Variants in PTPRK observed in about 807,000 individuals in gnomAD.
PTPRK encodes protein tyrosine phosphatase receptor type K.
Under a neutral mutation model 178.0 loss-of-function variants are expected in PTPRK, and 75 were observed. The observed-to-expected ratio is 0.42, with a 90% CI of 0.35 to 0.51. The LOEUF is 0.51. Among genes scored for constraint, PTPRK ranks in the 20% least tolerant of loss-of-function variants. The probability of loss-of-function intolerance (pLI) is 0.02; values close to 1 mark genes in which losing one functional copy is unlikely to be tolerated. For missense variants in PTPRK, 1,441 were observed against 1,797.8 expected, an observed-to-expected ratio of 0.80 and a Z score of 3.59; for synonymous variants, 637 against 620.6, an observed-to-expected ratio of 1.03 and a Z score of -0.39.
At chr6:128,215,294 G>T (rs1809068389) in intron 6 of PTPRK, among the ~76,000 whole-genome samples, 1 of 152,184 alleles carries the variant, frequency 6.6e-6, no homozygotes, top group South Asian at 2.1e-4. Context: ...CACAGCTGAG[G>T]TGAGGATTGG....
chr6:128,057,527 C>A (rs1340997095), intron 13 of PTPRK, among the ~76,000 whole-genome samples: 1 of 152,184 alleles, frequency 6.6e-6, no homozygotes, highest in Non-Finnish European at 1.5e-5. Context: ...ACCTTAGGAA[C>A]CGAGTCTCTA....
At chr6:128,024,278 A>T (rs1773953335) in intron 13 of PTPRK, among the ~76,000 whole-genome samples, 1 of 152,196 alleles carries the variant, frequency 6.6e-6, no homozygotes, top group South Asian at 2.1e-4. Context: ...AACTAAGTCT[A>T]TTCTAGGCAC....
At chr6:128,094,144 A>C (rs1369696126) in intron 7 of PTPRK, among the ~76,000 whole-genome samples, 2 of 152,204 alleles carry the variant, frequency 1.3e-5, no homozygotes, top group Non-Finnish European at 2.9e-5. Context: ...GAGATAATAC[A>C]GGAAAGGTTG....
At chr6:128,178,674 T>C (rs938369396) in intron 7 of PTPRK, among the ~76,000 whole-genome samples, 1 of 151,454 alleles carries the variant, frequency 6.6e-6, no homozygotes, top group Non-Finnish European at 1.5e-5. Context: ...TATCTATCTA[T>C]CTATCTATCT....
intron 14 of PTPRK, 107 bp downstream of exon 14, chr6:128,009,023 T>C: frequency 9.7e-7 from 1 of 1,031,752 alleles, no homozygotes; most frequent in Admixed American, 2.7e-5. Flanking sequence ...AAATTAAAAT[T>C]TTCTTCCTGT....
chr6:128,502,149 A>T (rs1001775248), intron 1 of PTPRK, among the ~76,000 whole-genome samples: 6 of 152,226 alleles, frequency 3.9e-5, no homozygotes, highest in African/African-American at 1.4e-4. Context: ...GGTGTTTAGC[A>T]TGAAAAATGT....
At chr6:128,228,169 GTAAC>G (rs1310881096) in intron 5 of PTPRK, among the ~76,000 whole-genome samples, 2 of 151,482 alleles carry the variant, frequency 1.3e-5, no homozygotes, top group Non-Finnish European at 2.9e-5. Flanking sequence ...GAAATTATGA[GTAAC>G]TACAGTAAAG....
At chr6:128,402,796 G>A (rs1019009625) in intron 1 of PTPRK, among the ~76,000 whole-genome samples, 1 of 152,098 alleles carries the variant, frequency 6.6e-6, no homozygotes, top group Non-Finnish European at 1.5e-5. Context: ...GTAACAAATG[G>A]TTTTAAGGGC....
chr6:128,322,876 A>T (rs2128321584), intron 2 of PTPRK, among the ~76,000 whole-genome samples: 1 of 152,182 alleles, frequency 6.6e-6, no homozygotes, highest in African/African-American at 2.4e-5. Flanking sequence ...CTAACTTTGA[A>T]CCTCAGTTCA....
intron 29 of PTPRK, among the ~76,000 whole-genome samples, chr6:127,972,007 A>G (rs959979320): frequency 3.3e-5 from 5 of 152,110 alleles, no homozygotes. Context: ...TTGTGTAGAC[A>G]GCTGCAACAA....
intron 7 of PTPRK, among the ~76,000 whole-genome samples, chr6:128,099,175 C>A (rs1042316338): frequency 2.0e-5 from 3 of 148,910 alleles, no homozygotes; most frequent in Admixed American, 1.3e-4. Context: ...GAAAATAATA[C>A]ATTTATATAT....
intron 3 of PTPRK, among the ~76,000 whole-genome samples, chr6:128,301,920 A>C (rs1825674465): frequency 6.6e-6 from 1 of 152,212 alleles, no homozygotes; most frequent in African/African-American, 2.4e-5. Flanking sequence ...AATGATTTAT[A>C]TTGTCTTGCC....
intron 22 of PTPRK, among the ~76,000 whole-genome samples, chr6:127,985,460 T>C (rs1007268117): frequency 2.0e-5 from 3 of 152,230 alleles, no homozygotes; most frequent in African/African-American, 7.2e-5. Flanking sequence ...AACACAGATG[T>C]TGCCATTAAA....
At chr6:128,490,008 TA>T (rs1182153801) in intron 1 of PTPRK, among the ~76,000 whole-genome samples, 1 of 152,216 alleles carries the variant, frequency 6.6e-6, no homozygotes, top group Non-Finnish European at 1.5e-5. Context: ...AGAACTATTT[TA>T]AAACATGTAA....
chr6:128,456,926 T>C (rs112160466), intron 1 of PTPRK, among the ~76,000 whole-genome samples: 377 of 152,246 alleles, frequency 2.5e-3, no homozygotes, highest in African/African-American at 8.6e-3. Flanking sequence ...AATGTTTCTA[T>C]TTCCCTTTCT....
chr6:128,037,343 C>A (rs1776395538), intron 13 of PTPRK, among the ~76,000 whole-genome samples: 1 of 152,168 alleles, frequency 6.6e-6, no homozygotes, highest in Non-Finnish European at 1.5e-5. Flanking sequence ...TAATTTAGGT[C>A]ATTTAATGAT....
At chr6:128,489,129 T>C (rs781640228) in intron 1 of PTPRK, among the ~76,000 whole-genome samples, 1 of 152,204 alleles carries the variant, frequency 6.6e-6, no homozygotes, top group African/African-American at 2.4e-5. Flanking sequence ...CCACAAATCA[T>C]AAACTTGAGT....
At chr6:128,237,990 T>C in intron 5 of PTPRK, 1 of 442,464 alleles carries the variant, frequency 2.3e-6, no homozygotes, top group South Asian at 1.6e-5. Flanking sequence ...TAGTAATTAA[T>C]AGATTTCAAT....
chr6:128,474,318 T>A (rs1023277967), intron 1 of PTPRK, among the ~76,000 whole-genome samples: 2 of 151,770 alleles, frequency 1.3e-5, no homozygotes, highest in Admixed American at 6.6e-5. Flanking sequence ...GAAAGAAACA[T>A]CAGAAACTGA....
Sources: allele counts gnomAD v4.1 joint callset (sites outside exome capture counted in the v4.1 genomes callset), GRCh38; gene constraint gnomAD v4.1.1; transcripts MANE v1.5; gene names NCBI Gene and HGNC (gene_info 2026-07-23, HGNC 2026-07-21).